EPHA3: variants seen among roughly 807,000 people sequenced by gnomAD.
EPHA3 encodes EPH receptor A3.
EPHA3 carries 42 observed loss-of-function variants against 107.1 expected under a neutral mutation model. That is an observed-to-expected ratio of 0.39 (90% CI 0.31 to 0.51). The LOEUF is 0.51. Among genes scored for constraint, EPHA3 ranks in the 20% least tolerant of loss-of-function variants. The probability of loss-of-function intolerance (pLI) is 0.78; values close to 1 mark genes in which losing one functional copy is unlikely to be tolerated. For synonymous variants in EPHA3, 461 were observed against 424.8 expected (o/e 1.09, Z -1.05); for missense variants, 1,183 against 1,211.2 (o/e 0.98, Z 0.35).
intron 1 of EPHA3, among the ~76,000 whole-genome samples, chr3:89,119,714 C>T (rs1016476969): frequency 1.3e-5 from 2 of 152,036 alleles, no homozygotes; most frequent in African/African-American, 2.4e-5. Flanking sequence ...AATAAGGAAA[C>T]CAATTTATTC....
intron 3 of EPHA3, among the ~76,000 whole-genome samples, chr3:89,212,006 C>G (rs1704114123): frequency 6.6e-6 from 1 of 151,422 alleles, no homozygotes; most frequent in Non-Finnish European, 1.5e-5. Flanking sequence ...CCAAGAAGCA[C>G]CAGGAAGGTA....
chr3:89,419,157 T>C, intron 10 of EPHA3, 48 bp from the exon 11 acceptor site: 1 of 1,510,758 alleles, frequency 6.6e-7, no homozygotes, highest in Non-Finnish European at 8.8e-7. Context: ...CTGATGAATT[T>C]TTATTATAGA....
chr3:89,312,518 A>G (rs1706788787), intron 3 of EPHA3, among the ~76,000 whole-genome samples: 1 of 151,498 alleles, frequency 6.6e-6, no homozygotes, highest in African/African-American at 2.4e-5. Flanking sequence ...AGCTTGATAT[A>G]TTTATAAGTA....
chr3:89,166,171 C>T (rs1705059221), intron 2 of EPHA3, among the ~76,000 whole-genome samples: 2 of 152,100 alleles, frequency 1.3e-5, no homozygotes, highest in Admixed American at 6.6e-5. Context: ...CCTGTTCCAC[C>T]GTCTAAAGTA....
At chr3:89,160,351 T>C (rs1354140054) in intron 2 of EPHA3, among the ~76,000 whole-genome samples, 2 of 152,106 alleles carry the variant, frequency 1.3e-5, no homozygotes, top group African/African-American at 2.4e-5. Context: ...GTCTGTTTCT[T>C]ACAGAAAATG....
chr3:89,284,862 C>T (rs1706040095), intron 3 of EPHA3, among the ~76,000 whole-genome samples: 1 of 152,184 alleles, frequency 6.6e-6, no homozygotes, highest in Non-Finnish European at 1.5e-5. Context: ...TGCGGTGGCT[C>T]ACGCCTGTAA....
chr3:89,421,023 A>C (rs113782478), intron 11 of EPHA3, among the ~76,000 whole-genome samples: 41 of 151,542 alleles, frequency 2.7e-4, no homozygotes, highest in African/African-American at 9.9e-4. Flanking sequence ...TAGAGGTAGC[A>C]CTGGGAACTT....
chr3:89,314,575 G>A (rs559488321), intron 3 of EPHA3, among the ~76,000 whole-genome samples: 2 of 151,850 alleles, frequency 1.3e-5, no homozygotes, highest in Admixed American at 1.3e-4. Flanking sequence ...CCAGAGCCTG[G>A]TGACAGTCCT....
intron 3 of EPHA3, among the ~76,000 whole-genome samples, chr3:89,334,893 A>C (rs1235201909): frequency 6.6e-6 from 1 of 152,192 alleles, no homozygotes; most frequent in African/African-American, 2.4e-5. Flanking sequence ...CTTTTCCTCT[A>C]ACATGCTGAA....
intron 15 of EPHA3, among the ~76,000 whole-genome samples, chr3:89,469,157 A>G (rs1391973190): frequency 1.3e-5 from 2 of 152,174 alleles, no homozygotes; most frequent in African/African-American, 4.8e-5. Flanking sequence ...AAGATTTTCA[A>G]TTTATAATTT....
At chr3:89,471,734 T>C (rs76733756) in intron 15 of EPHA3, among the ~76,000 whole-genome samples, 5,152 of 152,074 alleles carry the variant, frequency 0.034, 289 homozygotes, top group African/African-American at 0.12. Flanking sequence ...TCTCTGTGTG[T>C]GTGTGTGTAT....
chr3:89,171,438 G>T (rs1705206859), intron 2 of EPHA3, among the ~76,000 whole-genome samples: 1 of 152,180 alleles, frequency 6.6e-6, no homozygotes, highest in East Asian at 1.9e-4. Context: ...AGCAAGCAAT[G>T]GATATAATAG....
intron 3 of EPHA3, among the ~76,000 whole-genome samples, chr3:89,263,792 A>G (rs568653855): frequency 6.6e-6 from 1 of 152,184 alleles, no homozygotes; most frequent in East Asian, 1.9e-4. Flanking sequence ...TAGAAGTTCT[A>G]ATTTTGGGCC....
intron 5 of EPHA3, among the ~76,000 whole-genome samples, chr3:89,368,597 G>C (rs1212431622): frequency 6.6e-6 from 1 of 150,408 alleles, no homozygotes; most frequent in Non-Finnish European, 1.5e-5. Context: ...AGAATTAGCA[G>C]ACCCAAGAAG....
chr3:89,343,014 T>C (rs1331351401), intron 5 of EPHA3, among the ~76,000 whole-genome samples: 1 of 152,134 alleles, frequency 6.6e-6, no homozygotes, highest in Non-Finnish European at 1.5e-5. Flanking sequence ...GTTGTCAAGA[T>C]TGAGTATAAA....
intron 3 of EPHA3, among the ~76,000 whole-genome samples, chr3:89,312,870 A>G (rs149077539): frequency 0.015 from 2,331 of 152,104 alleles, 44 homozygotes; most frequent in African/African-American, 0.053. Context: ...TTTGCTGAGG[A>G]TAATGGCTTC....
chr3:89,426,974 C>G (rs1559692199), intron 11 of EPHA3, among the ~76,000 whole-genome samples: 3 of 151,770 alleles, frequency 2.0e-5, no homozygotes, highest in Non-Finnish European at 4.4e-5. Context: ...ATCTAAGTTT[C>G]CAAGGAAATG....
chr3:89,277,997 T>C (rs1196082371), intron 3 of EPHA3, among the ~76,000 whole-genome samples: 7 of 152,286 alleles, frequency 4.6e-5, no homozygotes, highest in African/African-American at 1.4e-4. Context: ...TTGTCTCAAA[T>C]GTATTTGATT....
chr3:89,298,827 TA>T (rs1252807894), intron 3 of EPHA3, among the ~76,000 whole-genome samples: 1 of 152,002 alleles, frequency 6.6e-6, no homozygotes, highest in Non-Finnish European at 1.5e-5. Context: ...ACTGTCAAAT[TA>T]AAGATGGTAA....
Sources: gnomAD v4.1 joint callset for allele counts (sites outside exome capture counted in the v4.1 genomes callset) on GRCh38, gnomAD v4.1.1 for gene constraint, MANE v1.5 for transcripts, NCBI Gene and HGNC (gene_info 2026-07-23, HGNC 2026-07-21) for gene names.